The following TENM3 variants were observed in gnomAD, a reference collection of about 807,000 sequenced individuals.
TENM3 encodes teneurin transmembrane protein 3, also known as teneurin-3.
In TENM3, 63 loss-of-function variants were observed where a neutral mutation model predicts 255.1. The observed-to-expected ratio is 0.25, with a 90% confidence interval of 0.20 to 0.30. The LOEUF (loss-of-function observed/expected upper bound fraction) is 0.30. TENM3 is among the 10% of genes least tolerant of loss of function. The pLI is 1.00. For missense variants in TENM3, 2,929 were observed against 3,461.1 expected, an observed-to-expected ratio of 0.85 and a Z score of 3.86; for synonymous variants, 1,306 against 1,322.3, an observed-to-expected ratio of 0.99 and a Z score of 0.27.
chr4:181,747,326 A>C, the TENM3 span, among the ~76,000 whole-genome samples: 1 of 152,038 alleles, frequency 6.6e-6, no homozygotes, highest in Non-Finnish European at 1.5e-5. Flanking sequence ...CCTTTCTTAA[A>C]TTTTTTGTAC....
chr4:182,490,726 T>TTGGGTACGTGTGGTACAAA (rs60482694), intron 3 of TENM3, among the ~76,000 whole-genome samples: 1 of 152,042 alleles, frequency 6.6e-6, no homozygotes, highest in African/African-American at 2.4e-5. Flanking sequence ...GATGGTACCT[T>TTGGGTACGTGTGGTACAAA]ATGAAGGGAC....
chr4:181,530,828 TG>T, the TENM3 span, among the ~76,000 whole-genome samples: 6 of 152,210 alleles, frequency 3.9e-5, no homozygotes, highest in Non-Finnish European at 7.3e-5. Context: ...TGTATGTACG[TG>T]GGTCATGTGT....
the TENM3 span, among the ~76,000 whole-genome samples, chr4:181,801,209 G>A: frequency 6.9e-6 from 1 of 145,968 alleles, no homozygotes; most frequent in Non-Finnish European, 1.5e-5. Context: ...CTTTTTTTGT[G>A]GACTTTTGGG....
the TENM3 span, among the ~76,000 whole-genome samples, chr4:181,538,115 G>T: frequency 1.3e-5 from 2 of 152,102 alleles, no homozygotes; most frequent in East Asian, 1.9e-4. Flanking sequence ...TTCAAGAAAT[G>T]GGCAAAGATA....
the TENM3 span, among the ~76,000 whole-genome samples, chr4:181,996,608 C>G: frequency 6.6e-6 from 1 of 152,104 alleles, no homozygotes; most frequent in African/African-American, 2.4e-5. Flanking sequence ...TCCTTTTTTC[C>G]CATCATTCTG....
chr4:182,621,372 T>C (rs1336230382), intron 4 of TENM3, among the ~76,000 whole-genome samples: 2 of 151,554 alleles, frequency 1.3e-5, no homozygotes, highest in African/African-American at 4.9e-5. Flanking sequence ...CAGTCTGATA[T>C]ACACAATCGG....
At chr4:181,501,418 G>A in the TENM3 span, among the ~76,000 whole-genome samples, 5,663 of 149,614 alleles carry the variant, frequency 0.038, 158 homozygotes, top group Non-Finnish European at 0.058. Flanking sequence ...TCGCACTGTC[G>A]CCTGGGCTGG....
At chr4:182,365,298 C>T (rs1766353125) in intron 3 of TENM3, among the ~76,000 whole-genome samples, 1 of 152,204 alleles carries the variant, frequency 6.6e-6, no homozygotes, top group Non-Finnish European at 1.5e-5. Context: ...CAGAGATGGA[C>T]TTCGAGGACA....
chr4:181,784,931 C>T, the TENM3 span, among the ~76,000 whole-genome samples: 120 of 152,120 alleles, frequency 7.9e-4, no homozygotes, highest in African/African-American at 2.6e-3. Flanking sequence ...CTTTTAGAAA[C>T]GTAAAATGTG....
At chr4:181,511,490 T>C in the TENM3 span, among the ~76,000 whole-genome samples, 1 of 152,116 alleles carries the variant, frequency 6.6e-6, no homozygotes, top group Non-Finnish European at 1.5e-5. Context: ...CTTCTTCCTT[T>C]CCCTCCCTCG....
At chr4:182,686,773 A>G (rs1756609855) in intron 11 of TENM3, among the ~76,000 whole-genome samples, 1 of 152,252 alleles carries the variant, frequency 6.6e-6, no homozygotes, top group Middle Eastern at 3.4e-3. Flanking sequence ...ATGCTGATAA[A>G]CACCATCACC....
chr4:181,821,810 G>A, the TENM3 span, among the ~76,000 whole-genome samples: 3 of 152,070 alleles, frequency 2.0e-5, no homozygotes, highest in Admixed American at 6.6e-5. Flanking sequence ...TTTCTGTTTA[G>A]GCTACTCTGC....
intron 13 of TENM3, among the ~76,000 whole-genome samples, chr4:182,715,724 C>G (rs888373552): frequency 4.6e-5 from 7 of 152,146 alleles, no homozygotes; most frequent in African/African-American, 1.7e-4. Flanking sequence ...GAACCAACCC[C>G]TCAACCTCCC....
At chr4:181,727,127 C>T in the TENM3 span, among the ~76,000 whole-genome samples, 14 of 152,146 alleles carry the variant, frequency 9.2e-5, no homozygotes, top group Non-Finnish European at 1.6e-4. Flanking sequence ...TTGATTAAAC[C>T]ATTGGCCATT....
intron 7 of TENM3, among the ~76,000 whole-genome samples, chr4:182,675,935 C>T (rs114171878): frequency 2.7e-3 from 415 of 152,210 alleles, no homozygotes; most frequent in African/African-American, 9.4e-3. Flanking sequence ...TCTTTTCTAC[C>T]ACAATATATG....
intron 6 of TENM3, among the ~76,000 whole-genome samples, chr4:182,666,910 A>T (rs933235397): frequency 1.3e-5 from 2 of 152,056 alleles, no homozygotes; most frequent in African/African-American, 4.8e-5. Flanking sequence ...TCAAAAAAAA[A>T]AGGAAATAAT....
intron 3 of TENM3, among the ~76,000 whole-genome samples, chr4:182,597,655 T>C (rs1489697522): frequency 6.6e-6 from 1 of 152,206 alleles, no homozygotes; most frequent in Non-Finnish European, 1.5e-5. Flanking sequence ...AAATCTGGCT[T>C]TATCTTATGT....
At chr4:182,524,879 C>A (rs1199362310) in intron 3 of TENM3, among the ~76,000 whole-genome samples, 3 of 151,622 alleles carry the variant, frequency 2.0e-5, no homozygotes, top group African/African-American at 7.3e-5. Context: ...AATTAAACTA[C>A]CTGGGCCTGG....
At chr4:182,099,667 T>C in the TENM3 span, among the ~76,000 whole-genome samples, 4 of 152,204 alleles carry the variant, frequency 2.6e-5, no homozygotes, top group African/African-American at 9.7e-5. Flanking sequence ...AAGGGCATCC[T>C]TGAGTCATGA....
Sources: gnomAD v4.1 joint callset for allele counts (sites outside exome capture counted in the v4.1 genomes callset) on GRCh38, gnomAD v4.1.1 for gene constraint, MANE v1.5 for transcripts, NCBI Gene and HGNC (gene_info 2026-07-23, HGNC 2026-07-21) for gene names.